ABR: variants seen among roughly 807,000 people sequenced by gnomAD.
ABR encodes the protein ABR activator of RhoGEF and GTPase.
ABR carries 35 observed loss-of-function variants against 107.2 expected under a neutral mutation model. That is an observed-to-expected ratio of 0.33 (90% CI 0.25 to 0.43). ABR has a LOEUF of 0.43. ABR is among the 20% of genes least tolerant of loss of function. ABR has a pLI of 1.00. For missense variants in ABR, 815 were observed against 1,115.2 expected, an observed-to-expected ratio of 0.73 and a Z score of 3.83; for synonymous variants, 498 against 462.0, an observed-to-expected ratio of 1.08 and a Z score of -1.00.
intron 9 of ABR, among the ~76,000 whole-genome samples, chr17:1,067,706 G>C (rs952462873): frequency 6.6e-6 from 1 of 152,136 alleles, no homozygotes; most frequent in Non-Finnish European, 1.5e-5. Context: ...CTGGGTGGAG[G>C]ATTACAAAGC....
At chr17:1,220,344 G>T (rs73279499) in intron 1 of ABR, among the ~76,000 whole-genome samples, 1,774 of 152,132 alleles carry the variant, frequency 0.012, 38 homozygotes, top group African/African-American at 0.041. Context: ...AAAACGCGAC[G>T]TGAGGTCCAG....
In ABR at chr17:1,056,107, C is replaced by A. The variant is rs895989364; in HGVS notation, c.1489G>T (p.Asp497Tyr). ...NIPVTSNKDD[D>Y]ESPGLYGFLH... ...AAGCCATAGAGTCCTGGAGACTCAT[C>A]GTCTGCAAGAGAGAAAAGCCCCCAG... Residue 497 changes from aspartate (D) to tyrosine (Y), a missense_variant and splice_region_variant, in exon 14 of 23, where the codon GAT becomes TAT. Physicochemically the swap from Asp to Tyr is radical, Grantham distance 160 (BLOSUM62 -3). Around this residue, in one of 5 missense-constraint regions of ABR, gnomAD observed 385 missense variants for 596.9 expected, o/e 0.64. Coordinates refer to ENST00000302538, the MANE Select transcript of ABR (RefSeq NM_021962.5). 6.2e-7 allele frequency: 1 copy of A among 1,613,858 alleles called. No individual in the cohort carries two copies. Among genetic ancestry groups the A allele is most frequent in the Non-Finnish European group, 8.5e-7 (1 of 1,179,876 alleles).
chr17:1,138,706 T>C (rs1458282201), intron 1 of ABR, among the ~76,000 whole-genome samples: 1 of 152,116 alleles, frequency 6.6e-6, no homozygotes, highest in Non-Finnish European at 1.5e-5. Flanking sequence ...CTTGAACTCC[T>C]GGCCTCAAAG....
In ABR at chr17:1,193,276, C is replaced by G. The variant is rs557245373; in HGVS notation, c.838+35517G>C. Reference sequence around the variant, plus strand: ...GAAGCCTTTCTGGGACACCCCCTCCCCCTCAATACCCACAAGGATTCAGGA... The same window carrying G: ...GAAGCCTTTCTGGGACACCCCCTCCGCCTCAATACCCACAAGGATTCAGGA... On this transcript the variant is annotated intron_variant, in intron 1 of 22. Transcript: ENST00000574139. Among the ~76,000 whole-genome samples the G allele has an allele frequency of 4.3e-3, 647 of 151,256 alleles. 3 individuals carry two copies. The highest frequency in any genetic ancestry group is 0.024 in the Middle Eastern group (7 of 294).
intron 7 of ABR, among the ~76,000 whole-genome samples, chr17:1,073,119 G>A (rs189666196): frequency 0.011 from 1,627 of 148,510 alleles, 33 homozygotes; most frequent in African/African-American, 0.039. Flanking sequence ...GGCAGAGGTT[G>A]CAGTGAGCCG....
chr17:1,133,322 G>A (rs75220354), intron 1 of ABR, among the ~76,000 whole-genome samples: 4,178 of 151,866 alleles, frequency 0.028, 195 homozygotes, highest in African/African-American at 0.096. Context: ...GGTTGGTACA[G>A]TTTATACCCA....
intron 1 of ABR, among the ~76,000 whole-genome samples, chr17:1,218,735 C>T (rs949385452): frequency 6.6e-6 from 1 of 152,124 alleles, no homozygotes; most frequent in Non-Finnish European, 1.5e-5. Context: ...AAACTTTGGC[C>T]GATGAGTCTG....
At chr17:1,058,945 CTGTG>C in intron 10 of ABR, 78 bp from the exon 11 acceptor site, 1 of 1,562,426 alleles carries the variant, frequency 6.4e-7, no homozygotes, top group Non-Finnish European at 8.7e-7. Flanking sequence ...CGACACTCCA[CTGTG>C]TGTTAACATG....
Position 1,222,269 on chromosome 17 carries a change from T to C in ABR, c.838+6524A>G, listed in dbSNP as rs371153565. Among the ~76,000 whole-genome samples the C allele has an allele frequency of 3.2e-4, 48 of 152,220 alleles. No individual in the cohort carries two copies. In the East Asian group the frequency reaches 7.0e-3, roughly 22 times the overall value. ...TAGTAGAGACGGGGTTTCACCATGT[T>C]GGCCAGGCTGGTCTCGAACTCCTGA... On this transcript the variant is annotated intron_variant, in intron 1 of 22. Coordinates refer to the ABR transcript ENST00000574139.
At position 1,125,232 on chromosome 17, in the gene ABR, C is replaced by T. The variant is rs376759188; in HGVS notation, c.197G>A (p.Gly66Asp). Residue 66 changes from glycine to aspartate, a missense_variant, in exon 2 of 23, where the codon GGC becomes GAC. This residue lies in a region of ABR where 129 missense variants were observed against 124.8 expected (regional missense o/e 1.03). Transcript: ENST00000302538. The part of the protein sequence containing the change: ...MSPQLSARSQ[G>D]GGDGVSPTPP... ...AGTCGGGGAGACGCCATCCCCCCCG[C>T]CCTGGCTGCGGGCGCTGAGCTGCGG... is the stretch of plus-strand genomic sequence containing the variant. The T allele has an allele frequency of 5.7e-5, 92 of 1,610,416 alleles. No homozygotes were observed. Among genetic ancestry groups the T allele is most frequent in the Non-Finnish European group, 7.6e-5 (90 of 1,177,932 alleles).
intron 2 of ABR, among the ~76,000 whole-genome samples, chr17:1,124,711 C>G (rs2039511007): frequency 6.6e-6 from 1 of 152,234 alleles, no homozygotes; most frequent in African/African-American, 2.4e-5. Flanking sequence ...CCAGAGTGAA[C>G]AGAGGAGGGC....
At chr17:1,212,355 C>G (rs969227618) in intron 1 of ABR, among the ~76,000 whole-genome samples, 1 of 151,986 alleles carries the variant, frequency 6.6e-6, no homozygotes, top group East Asian at 1.9e-4. Context: ...CGCTTGAGCA[C>G]AGGAGTTTGA....
At chr17:1,009,206 C>T (rs1597336835) in intron 21 of ABR, among the ~76,000 whole-genome samples, 1 of 112,630 alleles carries the variant, frequency 8.9e-6, no homozygotes, top group South Asian at 2.8e-4. Flanking sequence ...TCCATTCCCC[C>T]ACTGCTGTCC....
intron 1 of ABR, among the ~76,000 whole-genome samples, chr17:1,128,096 G>A (rs1650047343): frequency 6.6e-6 from 1 of 152,236 alleles, no homozygotes. Context: ...GGGTGCTGGT[G>A]GGCGGAGGCC....
intron 16 of ABR, among the ~76,000 whole-genome samples, chr17:1,029,458 C>G (rs1443697749): frequency 6.6e-6 from 1 of 152,160 alleles, no homozygotes; most frequent in Non-Finnish European, 1.5e-5. Context: ...CTGGATGAGT[C>G]ACGCCCCGCC....
intron 1 of ABR, among the ~76,000 whole-genome samples, chr17:1,128,825 A>T (rs2039704724): frequency 8.1e-6 from 1 of 123,640 alleles, no homozygotes; most frequent in African/African-American, 2.9e-5. Flanking sequence ...CACTGAGGGC[A>T]CAGTGGAGCC....
intron 16 of ABR, among the ~76,000 whole-genome samples, chr17:1,038,628 C>T (rs929275585): frequency 4.9e-4 from 74 of 152,326 alleles, no homozygotes; most frequent in African/African-American, 1.6e-3. Context: ...GGGGCTTAGA[C>T]CCTCGCCCAG....
chr17:1,093,117 G>T (rs962269983), intron 3 of ABR, among the ~76,000 whole-genome samples: 45 of 146,752 alleles, frequency 3.1e-4, no homozygotes, highest in African/African-American at 9.1e-4. Flanking sequence ...CACCGCGCCC[G>T]GCCAGCCATG....
intron 4 of ABR, among the ~76,000 whole-genome samples, chr17:1,090,522 C>G (rs2036949623): frequency 6.6e-6 from 1 of 152,096 alleles, no homozygotes; most frequent in Non-Finnish European, 1.5e-5. Flanking sequence ...AAAGTGGAGT[C>G]CACAGGACAG....
Sources: allele counts gnomAD v4.1 joint callset (sites outside exome capture counted in the v4.1 genomes callset), GRCh38; gene constraint gnomAD v4.1.1; regional missense constraint gnomAD v4.1.1; transcripts MANE v1.5; gene names NCBI Gene and HGNC (gene_info 2026-07-23, HGNC 2026-07-21).